GRXCR1: variants seen among roughly 807,000 people sequenced by gnomAD.
GRXCR1 encodes glutaredoxin and cysteine rich domain containing 1.
GRXCR1 carries 27 observed loss-of-function variants against 27.3 expected under a neutral mutation model. The observed-to-expected ratio is 0.99, with a 90% confidence interval of 0.73 to 1.37. The LOEUF is 1.37. Among genes scored for constraint, GRXCR1 ranks in the 40% most tolerant of loss-of-function variants. The probability of loss-of-function intolerance (pLI) is 0.00; values close to 1 mark genes in which losing one functional copy is unlikely to be tolerated. For synonymous variants in GRXCR1, 122 were observed against 131.1 expected (o/e 0.93, Z 0.47); for missense variants, 379 against 354.4 (o/e 1.07, Z -0.56).
chr4:42,912,356 T>A (rs1269120535), intron 1 of GRXCR1, among the ~76,000 whole-genome samples: 2 of 152,208 alleles, frequency 1.3e-5, no homozygotes, highest in African/African-American at 4.8e-5. Context: ...TCAGGTGGAA[T>A]TCATGCTTCA....
rs146266365 is a variant in GRXCR1 at position 42,979,470 on chromosome 4, G to C, written c.627+16336G>C. ...TTGTTTTCTTTCATTCTGTTAATGT[G>C]ATATATCACATTTCTCCTTGGGAAG... is the stretch of plus-strand genomic sequence containing the variant. On this transcript the variant is annotated intron_variant, in intron 2 of 3. Transcript: ENST00000399770. Among the ~76,000 whole-genome samples the C allele has an allele frequency of 6.6e-4, 100 of 152,044 alleles. 1 individual carries two copies. Among genetic ancestry groups the C allele is most frequent in the African/African-American group, 2.2e-3 (93 of 41,522 alleles).
chr4:42,963,485 T>G (rs940420892), intron 2 of GRXCR1, among the ~76,000 whole-genome samples: 3 of 152,120 alleles, frequency 2.0e-5, no homozygotes, highest in African/African-American at 7.2e-5. Context: ...AAGATATATA[T>G]TTATAAATTC....
chr4:42,916,689 C>G (rs1018350852), intron 1 of GRXCR1, among the ~76,000 whole-genome samples: 3 of 152,068 alleles, frequency 2.0e-5, no homozygotes, highest in Non-Finnish European at 4.4e-5. Flanking sequence ...CATCATTTTA[C>G]TATGGTATTA....
At chr4:42,906,005 G>A (rs865824625) in intron 1 of GRXCR1, among the ~76,000 whole-genome samples, 2 of 152,120 alleles carry the variant, frequency 1.3e-5, no homozygotes, top group Admixed American at 6.6e-5. Context: ...TGACAAAAGC[G>A]TTTTATAGTA....
intron 1 of GRXCR1, among the ~76,000 whole-genome samples, chr4:42,959,643 A>G (rs1199101753): frequency 6.6e-6 from 1 of 151,978 alleles, no homozygotes; most frequent in Non-Finnish European, 1.5e-5. Context: ...ATTATATTAT[A>G]CACCTTAAGT....
chr4:42,913,800 G>C (rs1485677917), intron 1 of GRXCR1, among the ~76,000 whole-genome samples: 1 of 152,152 alleles, frequency 6.6e-6, no homozygotes, highest in East Asian at 1.9e-4. Context: ...TGAGCCCAGG[G>C]CCCCCGCTTC....
chr4:42,938,677 G>A (rs907715965), intron 1 of GRXCR1, among the ~76,000 whole-genome samples: 1 of 151,856 alleles, frequency 6.6e-6, no homozygotes, highest in African/African-American at 2.4e-5. Flanking sequence ...TTTTATTTTT[G>A]TATATGGTGA....
At chr4:43,029,034 C>A (rs1198375435) in intron 3 of GRXCR1, among the ~76,000 whole-genome samples, 1 of 152,004 alleles carries the variant, frequency 6.6e-6, no homozygotes, top group East Asian at 1.9e-4. Flanking sequence ...CAGAAAATGC[C>A]CATTTATATT....
At chr4:42,903,308 ATTTTTTTTTTTTTTT>A (rs35512711) in intron 1 of GRXCR1, among the ~76,000 whole-genome samples, 1 of 63,176 alleles carries the variant, frequency 1.6e-5, no homozygotes, top group South Asian at 1.2e-3. Flanking sequence ...AGCTTTGTAG[ATTTTTTTTTTTTTTT>A]TTTTTTTTTT....
At chr4:42,949,496 T>C (rs915923895) in intron 1 of GRXCR1, among the ~76,000 whole-genome samples, 6 of 152,256 alleles carry the variant, frequency 3.9e-5, no homozygotes, top group Admixed American at 6.6e-5. Flanking sequence ...AGTTGAGTTC[T>C]GTAAGTTACT....
At chr4:43,024,982 A>G (rs1330197773) in intron 3 of GRXCR1, among the ~76,000 whole-genome samples, 1 of 152,158 alleles carries the variant, frequency 6.6e-6, no homozygotes, top group Non-Finnish European at 1.5e-5. Flanking sequence ...TTCAAGCTCT[A>G]TTGGAATAGG....
chr4:43,018,341 T>G (rs1256457743), intron 2 of GRXCR1, among the ~76,000 whole-genome samples: 1 of 152,154 alleles, frequency 6.6e-6, no homozygotes, highest in Non-Finnish European at 1.5e-5. Flanking sequence ...GAGCAGCTTT[T>G]TTCCAACCTT....
At chr4:42,928,898 G>C (rs534350143) in intron 1 of GRXCR1, among the ~76,000 whole-genome samples, 1 of 152,090 alleles carries the variant, frequency 6.6e-6, no homozygotes, top group African/African-American at 2.4e-5. Flanking sequence ...CATGATTCAG[G>C]CTTAGTCCTT....
At chr4:43,005,889 A>G (rs887017115) in intron 2 of GRXCR1, among the ~76,000 whole-genome samples, 3 of 152,222 alleles carry the variant, frequency 2.0e-5, no homozygotes, top group Non-Finnish European at 2.9e-5. Context: ...CCAGTTATAC[A>G]GTGTTGAATT....
intron 2 of GRXCR1, among the ~76,000 whole-genome samples, chr4:42,982,874 A>G (rs1711536786): frequency 1.3e-5 from 2 of 150,694 alleles, no homozygotes; most frequent in East Asian, 2.0e-4. Context: ...GTGTCTGTTC[A>G]TGTCCTTCGC....
chr4:42,972,443 G>T (rs1577926431), intron 2 of GRXCR1, among the ~76,000 whole-genome samples: 1 of 152,086 alleles, frequency 6.6e-6, no homozygotes, highest in East Asian at 1.9e-4. Flanking sequence ...ATAGTACAGG[G>T]ATAGAGAAAT....
chr4:42,936,806 T>A (rs2109760443), intron 1 of GRXCR1, among the ~76,000 whole-genome samples: 1 of 152,026 alleles, frequency 6.6e-6, no homozygotes, highest in African/African-American at 2.4e-5. Context: ...AGATTATGGT[T>A]ATGTGTCTTG....
intron 1 of GRXCR1, among the ~76,000 whole-genome samples, chr4:42,958,678 T>C (rs1249903970): frequency 6.6e-6 from 1 of 151,976 alleles, no homozygotes; most frequent in East Asian, 1.9e-4. Context: ...AAGGGGTTAA[T>C]ATCCCAAGTA....
At chr4:42,937,939 C>A (rs1467876724) in intron 1 of GRXCR1, among the ~76,000 whole-genome samples, 1 of 151,914 alleles carries the variant, frequency 6.6e-6, no homozygotes, top group East Asian at 1.9e-4. Flanking sequence ...CAATTGAATT[C>A]TCTAAGTTAT....
Sources: gnomAD v4.1 joint callset for allele counts (sites outside exome capture counted in the v4.1 genomes callset) on GRCh38, gnomAD v4.1.1 for gene constraint, MANE v1.5 for transcripts, NCBI Gene and HGNC (gene_info 2026-07-23, HGNC 2026-07-21) for gene names.